GLB1L: variants seen among roughly 807,000 people sequenced by gnomAD.
GLB1L encodes galactosidase beta 1 like, also known as beta-galactosidase-1-like protein.
In GLB1L, 58 loss-of-function variants were observed where a neutral mutation model predicts 75.7. That is an observed-to-expected ratio of 0.77 (90% confidence interval 0.62 to 0.95). GLB1L has a LOEUF of 0.95. GLB1L is among the 40% of genes least tolerant of loss of function. GLB1L has a pLI of 0.00. For synonymous variants in GLB1L, 296 were observed against 303.0 expected, an observed-to-expected ratio of 0.98 and a Z score of 0.24; for missense variants, 797 against 805.5, an observed-to-expected ratio of 0.99 and a Z score of 0.13.
Position 219,237,269 on chromosome 2 carries a change from T to C in GLB1L, c.1768A>G (p.Arg590Gly). ...QGPQQTLYVP[R>G]FLLFPRGALN... ...GCTCCCCTAGGAAACAGCAGGAATC[T>C]TGGCACGTAGAGGGTCTGTTGTGGC... is the stretch of plus-strand genomic sequence containing the variant. Residue 590 changes from arginine (R) to glycine (G), a missense_variant, in exon 17 of 17, where the codon AGA (arginine) becomes GGA (glycine). Transcript: ENST00000295759. The C allele has an allele frequency of 6.2e-7, 1 of 1,614,192 alleles. No individual in the cohort carries two copies. The highest frequency in any genetic ancestry group is 8.5e-7 in the Non-Finnish European group (1 of 1,180,024).
rs5838728 is a variant in GLB1L, at chr2:219,236,760, C to CTTTT, written c.*308_*311dup. 3.7e-3 allele frequency: 461 copies of CTTTT among 125,694 alleles called. 11 individuals carry two copies. Among genetic ancestry groups the CTTTT allele is most frequent in the East Asian group, 8.1e-3 (37 of 4,584 alleles). 7.8% of individuals were successfully genotyped at this position (125,694 alleles called of 1,614,324 possible). On this transcript the variant is annotated 3_prime_UTR_variant, in exon 17 of 17. Transcript: ENST00000295759. ...CTCCATGTCCCAGGTCCAAGGGTTA[C>CTTTT]TTTTTTTTTTTTTTTTTTTTTTGAG...
rs1318232360 is a variant in GLB1L, at chr2:219,239,135, T to A, written c.1019A>T (p.Asp340Val). 6.2e-7 allele frequency: 1 copy of A among 1,614,012 alleles called. No individual in the cohort carries two copies. Among genetic ancestry groups the A allele is most frequent in the Non-Finnish European group, 8.5e-7 (1 of 1,179,940 alleles). The change falls in exon 11 of 17, where the codon GAC becomes GTC. Residue 340 changes from aspartate to valine, a missense_variant. Coordinates refer to ENST00000295759, the MANE Select transcript of GLB1L (RefSeq NM_001286423.2). Reference sequence around the variant, plus strand: ...AAGAGCAAAAAGCTTAGGTGTGGGGTCCCCTGCTTCAGATATAGGTGCATC... The same window carrying A: ...AAGAGCAAAAAGCTTAGGTGTGGGGACCCCTGCTTCAGATATAGGTGCATC... ...DYDAPISEAG[D>V]PTPKLFALRD...
rs145423191 is a variant in GLB1L, at chr2:219,243,206, C to T, written c.181G>A (p.Val61Met). ...GSLHYFRVPR[V>M]LWADRLLKMR... is the part of the protein sequence containing the mutation. ...TTCAAAAGCCGGTCGGCCCAAAGCA[C>T]CCGCGGTACCCGAAAGTAGTGCAGG... is the stretch of plus-strand genomic sequence containing the variant. The change falls in exon 3 of 17, where the codon GTG becomes ATG. Residue 61 changes from valine to methionine, a missense_variant. Transcript: ENST00000295759. 2.5e-4 allele frequency: 400 copies of T among 1,614,066 alleles called. 1 individual carries two copies. Among genetic ancestry groups the T allele is most frequent in the African/African-American group, 1.3e-3 (101 of 75,040 alleles).
At chr2:219,241,712 AT>A in intron 5 of GLB1L, among the ~76,000 whole-genome samples, 1 of 151,906 alleles carries the variant, frequency 6.6e-6, no homozygotes, top group African/African-American at 2.4e-5. Context: ...ACTTTAAGGA[AT>A]TTATGGTTCA....
rs1432315162 is a variant in GLB1L at position 219,237,873 on chromosome 2, C to G, written c.1426G>C (p.Glu476Gln). Reference sequence around the variant, plus strand: ...CCAAAGCTGAGCCTCCCCATGTTCTCCACCAAGATATCCAGTTTGGACCCC... The same window carrying G: ...CCAAAGCTGAGCCTCCCCATGTTCTGCACCAAGATATCCAGTTTGGACCCC... ...KLGSKLDILV[E>Q]NMGRLSFGSN... Residue 476 changes from glutamate to glutamine, a missense_variant, in exon 15 of 17, where the codon GAG becomes CAG. Transcript: ENST00000295759. The G allele has an allele frequency of 6.2e-7, 1 of 1,614,194 alleles. No individual in the cohort carries two copies. The highest frequency in any genetic ancestry group is 1.7e-5 in the Admixed American group (1 of 60,026).
At chr2:219,242,375 A>G in intron 5 of GLB1L, 139 bp downstream of exon 5, 1 of 751,164 alleles carries the variant, frequency 1.3e-6, no homozygotes, top group African/African-American at 1.7e-5. Flanking sequence ...CCCAGTTTCT[A>G]GCATCCTGCT....
chr2:219,237,545 C>T lies in GLB1L; in HGVS notation c.1656G>A (p.Gly552=), dbSNP rs752199098. Residue 552 remains glycine (G), a synonymous_variant, in exon 16 of 17, where the codon GGG becomes GGA. Transcript: ENST00000295759. The part of the protein sequence containing the change: ...SKTFPILGSV[G]DTFLYLPGWT... ...ATCCAGGTAGATATAGAAATGTGTC[C>T]CCAACTGAGCCTAAAATTGGAAATG... 1.2e-6 allele frequency: 2 copies of T among 1,614,020 alleles called. No homozygotes were observed. Among genetic ancestry groups the T allele is most frequent in the African/African-American group, 2.7e-5 (2 of 74,906 alleles).
rs1248667061 is a variant in GLB1L, at chr2:219,238,559, T to C, written c.1163A>G (p.Asp388Gly). The C allele has an allele frequency of 1.2e-6, 2 of 1,614,010 alleles. No homozygotes were observed. Among genetic ancestry groups the C allele is most frequent in the Non-Finnish European group, 1.7e-6 (2 of 1,179,954 alleles). The change falls in exon 13 of 17, where the codon GAC becomes GGC. Residue 388 changes from aspartate to glycine, a missense_variant. By Grantham distance (94) the Asp-to-Gly change is moderately conservative. Transcript: ENST00000295759. ...HLVGHLLAFLDLLCPRGPIHS... is the reference protein window; with the variant it reads ...HLVGHLLAFLGLLCPRGPIHS... The stretch of plus-strand genomic sequence containing the variant: ...AATGGGCCCACGGGGGCAAAGCAAG[T>C]CTAGGAAAGCCAGTAAATGCCCAAC...
At position 219,239,756 on chromosome 2, in the gene GLB1L, C is replaced by A. The variant is rs534291035; in HGVS notation, c.780+19G>T. ...CCCATTCCTATCCCTGATTCCCTGA[C>A]TCCTCTCTGGCCCCTCACCAATGGC... On this transcript the variant is annotated intron_variant, in intron 8 of 16. Transcript: ENST00000295759. 1.2e-6 allele frequency: 2 copies of A among 1,614,202 alleles called. No individual in the cohort carries two copies. The highest frequency in any genetic ancestry group is 8.5e-7 in the Non-Finnish European group (1 of 1,180,034).
rs563997081 is a variant in GLB1L at position 219,243,244 on chromosome 2, T to A, written c.143A>T (p.Tyr48Phe). The change falls in exon 3 of 17, where the codon TAT (tyrosine) becomes TTT (phenylalanine). Residue 48 changes from tyrosine to phenylalanine, a missense_variant. Tyr to Phe is a conservative substitution (Grantham distance 22). Coordinates refer to ENST00000295759, the MANE Select transcript of GLB1L (RefSeq NM_001286423.2). ...RFLLDGAPFR[Y>F]VSGSLHYFRV... ...AAAGTAGTGCAGGCTGCCAGACACA[T>A]AGCGGAACGGGGCCCCGTCTAGGAG... 6 of 1,614,014 alleles carry A rather than the reference T, an allele frequency of 3.7e-6. No individual in the cohort carries two copies. The highest frequency in any genetic ancestry group is 2.2e-5 in the East Asian group (1 of 44,864).
chr2:219,236,760 CTTTTT>C lies in GLB1L; in HGVS notation c.*307_*311del, dbSNP rs5838728. On this transcript the variant is annotated 3_prime_UTR_variant, in exon 17 of 17. Transcript: ENST00000295759. ...CTCCATGTCCCAGGTCCAAGGGTTA[CTTTTT>C]TTTTTTTTTTTTTTTTTGAGATGGA... 20 of 125,754 alleles carry C rather than the reference CTTTTT, an allele frequency of 1.6e-4. No individual in the cohort carries two copies. The highest frequency in any genetic ancestry group is 4.4e-4 in the East Asian group (2 of 4,594). 7.8% of individuals were successfully genotyped at this position (125,754 alleles called of 1,614,324 possible).
Position 219,243,304 on chromosome 2 carries a change from C to G in GLB1L, c.83G>C (p.Arg28Pro). 1.3e-6 allele frequency: 2 copies of G among 1,597,668 alleles called. No homozygotes were observed. The highest frequency in any genetic ancestry group is 2.2e-5 in the South Asian group (2 of 90,020). ...LTLLLPQADT[R>P]SFVVDRGHDR... ...ATGACCCCTATCCACTACGAACGAC[C>G]GAGTGTCTGCCTATAAAGAGAAAGA... is the stretch of plus-strand genomic sequence containing the variant. The change falls in exon 3 of 17, where the codon CGG becomes CCG. Residue 28 changes from arginine to proline, a missense_variant. By Grantham distance (103) the Arg-to-Pro change is moderately radical (BLOSUM62 -2). Coordinates refer to ENST00000295759, the MANE Select transcript of GLB1L (RefSeq NM_001286423.2).
In GLB1L at chr2:219,236,655, G is replaced by A. The variant is rs1951248294; in HGVS notation, c.*417C>T. 1.6e-6 allele frequency: 1 copy of A among 629,710 alleles called. No individual in the cohort carries two copies. Among genetic ancestry groups the A allele is most frequent in the Admixed American group, 3.7e-5 (1 of 27,210 alleles). 39.0% of individuals were successfully genotyped at this position (629,710 alleles called of 1,614,324 possible). A position where few individuals can be genotyped will look rare whatever the true frequency, so the allele number is the denominator to read the frequency against. ...CACAATAAAGTTTGGCAAGGAATGT[G>A]TACTTGTACTTACATTCAGAGGCAC... On this transcript the variant is annotated 3_prime_UTR_variant, in exon 17 of 17. Coordinates refer to ENST00000295759, the MANE Select transcript of GLB1L (RefSeq NM_001286423.2).
Position 219,238,545 on chromosome 2 carries a change from G to T in GLB1L, c.1177C>A (p.Arg393Ser). 6.2e-7 allele frequency: 1 copy of T among 1,614,042 alleles called. No homozygotes were observed. Among genetic ancestry groups the T allele is most frequent in the South Asian group, 1.1e-5 (1 of 91,082 alleles). The change falls in exon 13 of 17, where the codon CGT (arginine) becomes AGT (serine). Residue 393 changes from arginine (R) to serine (S), a missense_variant. Physicochemically the swap from Arg to Ser is moderately radical, Grantham distance 110. Transcript: ENST00000295759. ...LLAFLDLLCP[R>S]GPIHSILPMT... ...GGCAAGATTGAATGAATGGGCCCACGGGGGCAAAGCAAGTCTAGGAAAGCC... is the reference window on the plus strand; with the variant it reads ...GGCAAGATTGAATGAATGGGCCCACTGGGGCAAAGCAAGTCTAGGAAAGCC...
At chr2:219,239,043 T>C in intron 11 of GLB1L, 49 bp downstream of exon 11, 2 of 1,300,838 alleles carry the variant, frequency 1.5e-6, no homozygotes, top group Non-Finnish European at 2.2e-6. Flanking sequence ...GGCACTCCCT[T>C]CCTCCAAATT....
In GLB1L at chr2:219,238,549, G is replaced by T. The variant is rs372592862; in HGVS notation, c.1173C>A (p.Cys391Ter). The T allele has an allele frequency of 1.2e-6, 2 of 1,614,140 alleles. No homozygotes were observed. Among genetic ancestry groups the T allele is most frequent in the Non-Finnish European group, 1.7e-6 (2 of 1,179,994 alleles). ...AGATTGAATGAATGGGCCCACGGGG[G>T]CAAAGCAAGTCTAGGAAAGCCAGTA... ...GHLLAFLDLL[C>*]PRGPIHSILP... The change falls in exon 13 of 17, where the codon TGC becomes TGA. Residue 391 changes from cysteine to a stop codon, truncating the protein, a stop_gained. Coordinates refer to ENST00000295759, the MANE Select transcript of GLB1L (RefSeq NM_001286423.2). LOFTEE classifies it high-confidence loss of function.
At chr2:219,242,369 G>T in intron 5 of GLB1L, 145 bp downstream of exon 5, 1 of 738,640 alleles carries the variant, frequency 1.4e-6, no homozygotes, top group Non-Finnish European at 2.5e-6. Flanking sequence ...TGGTCCCCCA[G>T]TTTCTAGCAT....
In GLB1L at chr2:219,243,370, A is replaced by G. The variant is rs1042914677; in HGVS notation, c.73-56T>C. On this transcript the variant is annotated intron_variant, in intron 2 of 16. Transcript: ENST00000295759. ...ACGCCTGGAGGGAGCGTCGAGGGTC[A>G]GCGCCTGCCAAGAGCGGAAGAGATG... is the stretch of plus-strand genomic sequence containing the variant. 3.1e-6 allele frequency: 5 copies of G among 1,591,230 alleles called. No individual in the cohort carries two copies. In the African/African-American group the frequency reaches 5.4e-5, roughly 17 times the overall value.
At position 219,238,002 on chromosome 2, in the gene GLB1L, C is replaced by T. The variant is rs376271189; in HGVS notation, c.1342-45G>A. On this transcript the variant is annotated intron_variant, in intron 14 of 16. Coordinates refer to ENST00000295759, the MANE Select transcript of GLB1L (RefSeq NM_001286423.2). The stretch of plus-strand genomic sequence containing the variant: ...TAGGAGCAAGGCTCAGCATCTAGCT[C>T]TTAGCCACTGCATAGGAAACCACAC... 5.0e-6 allele frequency: 8 copies of T among 1,603,520 alleles called. No individual in the cohort carries two copies. In the African/African-American group the frequency reaches 6.7e-5, roughly 13 times the overall value.
Sources: allele counts gnomAD v4.1 joint callset (sites outside exome capture counted in the v4.1 genomes callset), GRCh38; gene constraint gnomAD v4.1.1; transcripts MANE v1.5; gene names NCBI Gene and HGNC (gene_info 2026-07-23, HGNC 2026-07-21).